FNBP1L: variants seen among roughly 807,000 people sequenced by gnomAD.
The protein encoded by FNBP1L is formin binding protein 1 like.
Under a neutral mutation model 91.2 loss-of-function variants are expected in FNBP1L, and 36 were observed. That is an observed-to-expected ratio of 0.39 (90% CI 0.30 to 0.52). FNBP1L has a LOEUF of 0.52. Among genes scored for constraint, FNBP1L ranks in the 20% least tolerant of loss-of-function variants. The pLI, the probability that FNBP1L is intolerant of heterozygous loss-of-function variation, is 0.66. For missense variants in FNBP1L, 571 were observed against 732.1 expected (o/e 0.78, Z 2.54); for synonymous variants, 242 against 237.0 (o/e 1.02, Z -0.19).
intron 9 of FNBP1L, among the ~76,000 whole-genome samples, chr1:93,535,119 A>C (rs1671802079): frequency 6.6e-6 from 1 of 152,134 alleles, no homozygotes; most frequent in South Asian, 2.1e-4. Flanking sequence ...AATGGGTAAG[A>C]GTATTAACAA....
At chr1:93,540,929 A>G in intron 10 of FNBP1L, 113 bp from the exon 11 acceptor site, 1 of 859,736 alleles carries the variant, frequency 1.2e-6, no homozygotes, top group Middle Eastern at 3.2e-4. Flanking sequence ...GGATTGTGAA[A>G]TGTACGTGAT....
At chr1:93,512,854 T>A (rs1316468332) in intron 2 of FNBP1L, among the ~76,000 whole-genome samples, 1 of 151,584 alleles carries the variant, frequency 6.6e-6, no homozygotes, top group Admixed American at 6.6e-5. Flanking sequence ...AACATCACAA[T>A]TAAAAGAACT....
intron 4 of FNBP1L, 82 bp from the exon 5 acceptor site, chr1:93,524,179 T>C (rs896758117): frequency 1.7e-6 from 2 of 1,152,394 alleles, no homozygotes; most frequent in Middle Eastern, 3.1e-4. Flanking sequence ...CTTTAGACTT[T>C]AGTGTTTAAA....
intron 1 of FNBP1L, among the ~76,000 whole-genome samples, chr1:93,461,935 AC>A (rs1414338981): frequency 2.0e-5 from 3 of 152,250 alleles, no homozygotes; most frequent in African/African-American, 7.2e-5. Context: ...TTAGTGAAGG[AC>A]TCGTGTGTCT....
intron 1 of FNBP1L, among the ~76,000 whole-genome samples, chr1:93,457,497 T>C (rs1003430391): frequency 3.0e-4 from 46 of 152,246 alleles, no homozygotes; most frequent in African/African-American, 7.5e-4. Context: ...TTGATTTTTT[T>C]CCCCTGTATC....
chr1:93,538,552 AT>A lies in FNBP1L; in HGVS notation c.1149+2069del, dbSNP rs1174404910. Among the ~76,000 whole-genome samples, 4 of 151,912 alleles carry A rather than the reference AT, an allele frequency of 2.6e-5. No individual in the cohort carries two copies. In the East Asian group the frequency reaches 5.8e-4, roughly 22 times the overall value. On this transcript the variant is annotated intron_variant, in intron 10 of 16. Coordinates refer to ENST00000271234, the MANE Select transcript of FNBP1L (RefSeq NM_001164473.3). ...TGGATTACAACTTGGAGGTTGAGAA[AT>A]TTTTTTCTTTTGATTACCGTTTGGT...
In FNBP1L at chr1:93,552,422, G is replaced by A. The variant is rs762952906; in HGVS notation, c.*6G>A. The A allele has an allele frequency of 2.5e-6, 4 of 1,612,502 alleles. No homozygotes were observed. The highest frequency in any genetic ancestry group is 2.5e-6 in the Non-Finnish European group (3 of 1,179,214). ...CCTGGACTGCAGGTTCCTGAAGAGG[G>A]TTTCTGAGGAAATGGGCAAGATGTT... On this transcript the variant is annotated 3_prime_UTR_variant, in exon 17 of 17. Coordinates refer to ENST00000271234, the MANE Select transcript of FNBP1L (RefSeq NM_001164473.3).
chr1:93,464,519 C>G (rs1390886691), intron 1 of FNBP1L, among the ~76,000 whole-genome samples: 1 of 152,022 alleles, frequency 6.6e-6, no homozygotes, highest in Non-Finnish European at 1.5e-5. Context: ...CTACTGTGTT[C>G]TGTTTTCTTT....
At position 93,552,415 on chromosome 1, in the gene FNBP1L, G is replaced by GA; in HGVS notation, c.*1dup. ...TTTTCCTCCTGGACTGCAGGTTCCT[G>GA]AAGAGGGTTTCTGAGGAAATGGGCA... ...VTLEKNSKGS[*] is the part of the protein sequence containing the mutation. Residue 606 remains the stop codon, a frameshift_variant and stop_retained_variant, in exon 17 of 17, where the codon TGA becomes TGAA. Coordinates refer to ENST00000271234, the MANE Select transcript of FNBP1L (RefSeq NM_001164473.3). LOFTEE classifies it high-confidence loss of function. 1 of 1,612,660 alleles carries GA rather than the reference G, an allele frequency of 6.2e-7. No homozygotes were observed. Among genetic ancestry groups the GA allele is most frequent in the South Asian group, 1.1e-5 (1 of 90,724 alleles).
chr1:93,508,602 A>T (rs1364795187), intron 2 of FNBP1L, among the ~76,000 whole-genome samples: 3 of 152,096 alleles, frequency 2.0e-5, no homozygotes, highest in East Asian at 3.9e-4. Flanking sequence ...ATTGCTTAGG[A>T]CTACCCTGCA....
chr1:93,497,705 C>T (rs1264075633), intron 1 of FNBP1L, among the ~76,000 whole-genome samples: 6 of 152,164 alleles, frequency 3.9e-5, no homozygotes, highest in East Asian at 1.9e-4. Flanking sequence ...CTGCAACCTC[C>T]GCCTCCTGGG....
chr1:93,505,174 C>T (rs983483570), intron 2 of FNBP1L, among the ~76,000 whole-genome samples: 116 of 147,866 alleles, frequency 7.8e-4, no homozygotes, highest in African/African-American at 2.7e-3. Context: ...TGCAGTGGCG[C>T]GATCTTGGCT....
At position 93,530,737 on chromosome 1, in the gene FNBP1L, C is replaced by T. The variant is rs779971358; in HGVS notation, c.511-18C>T. The T allele has an allele frequency of 3.1e-5, 49 of 1,590,502 alleles. No individual in the cohort carries two copies. The highest frequency in any genetic ancestry group is 9.4e-5 in the African/African-American group (7 of 74,406). ...GTGATTTTGTTGTTGATAATAATTT[C>T]GACCATTTTGCCCCTAGGCCAAACA... On this transcript the variant is annotated intron_variant, in intron 6 of 16. Coordinates refer to ENST00000271234, the MANE Select transcript of FNBP1L (RefSeq NM_001164473.3).
At chr1:93,453,029 G>A (rs919845354) in intron 1 of FNBP1L, among the ~76,000 whole-genome samples, 10 of 152,082 alleles carry the variant, frequency 6.6e-5, no homozygotes, top group Admixed American at 6.6e-4. Flanking sequence ...TGCCCAGAAT[G>A]CCCTCTGTTG....
chr1:93,480,542 A>ATG (rs1322819666), intron 1 of FNBP1L, among the ~76,000 whole-genome samples: 2 of 151,846 alleles, frequency 1.3e-5, no homozygotes, highest in Non-Finnish European at 2.9e-5. Flanking sequence ...TTTCTTGCTG[A>ATG]TGACTCTAGG....
intron 2 of FNBP1L, among the ~76,000 whole-genome samples, chr1:93,517,011 C>T (rs1671144600): frequency 6.6e-6 from 1 of 150,870 alleles, no homozygotes; most frequent in Non-Finnish European, 1.5e-5. Context: ...TGTTCTTCCT[C>T]TTCCTCCTCC....
chr1:93,550,598 A>C (rs573471693), intron 15 of FNBP1L, among the ~76,000 whole-genome samples: 9 of 152,226 alleles, frequency 5.9e-5, no homozygotes, highest in Admixed American at 3.3e-4. Flanking sequence ...ATACCTGCTG[A>C]ATTTTTTTAG....
intron 1 of FNBP1L, among the ~76,000 whole-genome samples, chr1:93,498,680 G>C (rs1285226843): frequency 6.6e-6 from 1 of 152,182 alleles, no homozygotes; most frequent in Non-Finnish European, 1.5e-5. Flanking sequence ...TTTGGAGCTT[G>C]TTCTTAAAGC....
At chr1:93,511,071 C>T (rs1316530250) in intron 2 of FNBP1L, among the ~76,000 whole-genome samples, 1 of 152,104 alleles carries the variant, frequency 6.6e-6, no homozygotes, top group Admixed American at 6.5e-5. Context: ...TCTAGCAAGG[C>T]AGGCCAACAT....
Sources: allele counts gnomAD v4.1 joint callset (sites outside exome capture counted in the v4.1 genomes callset), GRCh38; gene constraint gnomAD v4.1.1; transcripts MANE v1.5; gene names NCBI Gene and HGNC (gene_info 2026-07-23, HGNC 2026-07-21).